Variants in SLC30A7 observed in about 807,000 individuals in gnomAD.
The protein encoded by SLC30A7 is solute carrier family 30 member 7.
SLC30A7 carries 35 observed loss-of-function variants against 46.0 expected under a neutral mutation model. The ratio of observed to expected loss-of-function variants is 0.76; its 90% CI spans 0.58 to 1.01. The LOEUF (loss-of-function observed/expected upper bound fraction) is 1.01, where lower values mean the gene tolerates loss of function less well. SLC30A7 is among the 50% of genes least tolerant of loss of function. The pLI is 0.00. For synonymous variants in SLC30A7, 147 were observed against 157.8 expected (o/e 0.93, Z 0.51); for missense variants, 464 against 451.1 (o/e 1.03, Z -0.26).
chr1:100,907,098 G>T, intron 3 of SLC30A7, 133 bp downstream of exon 3: 2 of 577,496 alleles, frequency 3.5e-6, no homozygotes. Context: ...CCCCACTCAG[G>T]CCTCTTCGAG....
chr1:100,978,495 G>A lies in SLC30A7; in HGVS notation c.*3638G>A, dbSNP rs912257518. The A allele has an allele frequency of 1.3e-5, 2 of 152,146 alleles. No homozygotes were observed. The highest frequency in any genetic ancestry group is 4.8e-5 in the African/African-American group (2 of 41,430). 9.4% of individuals were successfully genotyped at this position (152,146 alleles called of 1,614,324 possible). On this transcript the variant is annotated 3_prime_UTR_variant, in exon 11 of 11. Transcript: ENST00000357650. Reference sequence around the variant, plus strand: ...AAGGACTGGCTTTAGAAGCAGTGTAGTTCTACCTCTCATTTTACAGATGAG... The same window carrying A: ...AAGGACTGGCTTTAGAAGCAGTGTAATTCTACCTCTCATTTTACAGATGAG...
At chr1:100,906,228 G>A (rs534909500) in intron 2 of SLC30A7, among the ~76,000 whole-genome samples, 1 of 152,286 alleles carries the variant, frequency 6.6e-6, no homozygotes, top group Admixed American at 6.5e-5. Flanking sequence ...CTTTTAGCAA[G>A]TTCTGCACAT....
intron 8 of SLC30A7, among the ~76,000 whole-genome samples, chr1:100,946,219 A>T (rs1227618235): frequency 6.6e-6 from 1 of 152,224 alleles, no homozygotes; most frequent in Non-Finnish European, 1.5e-5. Flanking sequence ...ATATACATTC[A>T]TGTCATCTGC....
At position 100,913,708 on chromosome 1, in the gene SLC30A7, C is replaced by T. The variant is rs758196456; in HGVS notation, c.557C>T (p.Ala186Val). ...CTCTTTAATGGTGCTCTAGATCAGG[C>T]ACATGGCCATGTCGATCATTGCCAT... Reference protein sequence around the residue: ...HSLFNGALDQAHGHVDHCHSH... With the variant: ...HSLFNGALDQVHGHVDHCHSH... The change falls in exon 6 of 11, where the codon GCA becomes GTA. Residue 186 changes from alanine to valine, a missense_variant. Coordinates refer to ENST00000357650, the MANE Select transcript of SLC30A7 (RefSeq NM_133496.5). 1 of 1,613,928 alleles carries T rather than the reference C, an allele frequency of 6.2e-7. No individual in the cohort carries two copies. Among genetic ancestry groups the T allele is most frequent in the Non-Finnish European group, 8.5e-7 (1 of 1,179,846 alleles).
chr1:100,991,513 T>TG, the SLC30A7 span, among the ~76,000 whole-genome samples: 2 of 152,128 alleles, frequency 1.3e-5, no homozygotes, highest in African/African-American at 4.8e-5. Flanking sequence ...CTTGACTGGG[T>TG]GCGGTGACTC....
intron 10 of SLC30A7, among the ~76,000 whole-genome samples, chr1:100,973,190 G>A (rs2101102198): frequency 1.3e-5 from 2 of 152,068 alleles, no homozygotes; most frequent in Middle Eastern, 6.8e-3. Flanking sequence ...ACTCAGTATT[G>A]TACAGAGCCC....
At chr1:100,950,066 G>C (rs1464406274) in intron 8 of SLC30A7, among the ~76,000 whole-genome samples, 2 of 152,184 alleles carry the variant, frequency 1.3e-5, no homozygotes, top group African/African-American at 4.8e-5. Flanking sequence ...ACTTCAGTTG[G>C]AAATGCAGGA....
rs1394026045 is a variant in SLC30A7, at chr1:100,979,688, C to T, written c.*4831C>T. 1.3e-5 allele frequency: 2 copies of T among 152,098 alleles called. No homozygotes were observed. The highest frequency in any genetic ancestry group is 2.9e-5 in the Non-Finnish European group (2 of 67,978). The allele number at this position is 152,098 out of a possible 1,614,324, so 9.4% of individuals were successfully genotyped here. A position where few individuals can be genotyped will look rare whatever the true frequency, so the allele number is the denominator to read the frequency against. On this transcript the variant is annotated 3_prime_UTR_variant, in exon 11 of 11. Transcript: ENST00000357650. ...TTGCATGATTTTATGATTGACGGAG[C>T]ATTTTCAAATCTCCTCTAATTCTCA...
intron 8 of SLC30A7, among the ~76,000 whole-genome samples, chr1:100,929,226 C>T (rs541087625): frequency 6.6e-6 from 1 of 152,022 alleles, no homozygotes; most frequent in South Asian, 2.1e-4. Context: ...ACATCTCTTG[C>T]CTAATTTCTC....
intron 6 of SLC30A7, among the ~76,000 whole-genome samples, chr1:100,914,084 G>T (rs1024317427): frequency 3.3e-5 from 5 of 152,014 alleles, no homozygotes; most frequent in African/African-American, 7.3e-5. Flanking sequence ...TGGGTACATA[G>T]TAGGTGTATA....
In SLC30A7 at chr1:100,971,907, A is replaced by G. The variant is rs182530687; in HGVS notation, c.1084-2903A>G. Among the ~76,000 whole-genome samples, 601 of 152,258 alleles carry G rather than the reference A, an allele frequency of 3.9e-3. 2 individuals carry two copies. The highest frequency in any genetic ancestry group is 0.01 in the Admixed American group (153 of 15,270). ...CCGATTTGTTATCCTTTCTACAACAATAAATATGTATTGAAGATATTCTAA... is the reference window on the plus strand; with the variant it reads ...CCGATTTGTTATCCTTTCTACAACAGTAAATATGTATTGAAGATATTCTAA... On this transcript the variant is annotated intron_variant, in intron 10 of 10. Transcript: ENST00000357650.
chr1:100,951,211 G>A (rs1020900143), intron 8 of SLC30A7, among the ~76,000 whole-genome samples: 4 of 152,112 alleles, frequency 2.6e-5, no homozygotes, highest in Admixed American at 2.0e-4. Flanking sequence ...AAAGGGGTGC[G>A]AAGCAGGGGA....
intron 8 of SLC30A7, among the ~76,000 whole-genome samples, chr1:100,949,629 G>A (rs1390049145): frequency 6.6e-6 from 1 of 152,214 alleles, no homozygotes; most frequent in African/African-American, 2.4e-5. Context: ...GGTGGAGTCT[G>A]TAGAGACAGT....
intron 2 of SLC30A7, among the ~76,000 whole-genome samples, chr1:100,905,923 C>T (rs1557974529): frequency 6.6e-6 from 1 of 152,118 alleles, no homozygotes; most frequent in African/African-American, 2.4e-5. Context: ...ATGAGTCTCT[C>T]TTTTTTTCTT....
At chr1:100,970,821 CT>C (rs1167882340) in intron 10 of SLC30A7, among the ~76,000 whole-genome samples, 3 of 151,248 alleles carry the variant, frequency 2.0e-5, no homozygotes, top group African/African-American at 7.3e-5. Flanking sequence ...TTTAATATAC[CT>C]TTTTTGTTAG....
rs1286309675 is a variant in SLC30A7 at position 100,978,331 on chromosome 1, A to C, written c.*3474A>C. On this transcript the variant is annotated 3_prime_UTR_variant, in exon 11 of 11. Transcript: ENST00000357650. ...ATGAACTCAAAATGTATTTGATCAC[A>C]GTTCTATAATGTTTTTACCTACCTA... 1 of 152,220 alleles carries C rather than the reference A, an allele frequency of 6.6e-6. No individual in the cohort carries two copies. Among genetic ancestry groups the C allele is most frequent in the Non-Finnish European group, 1.5e-5 (1 of 68,036 alleles). 9.4% of individuals were successfully genotyped at this position (152,220 alleles called of 1,614,324 possible). A position where few individuals can be genotyped will look rare whatever the true frequency, so the allele number is the denominator to read the frequency against.
At chr1:100,996,068 T>C in the SLC30A7 span, 7 of 152,344 alleles carry the variant, frequency 4.6e-5, no homozygotes, top group African/African-American at 1.7e-4. Flanking sequence ...TATTTTTAAA[T>C]GTTCTTGGAA....
intron 10 of SLC30A7, among the ~76,000 whole-genome samples, chr1:100,969,320 G>C (rs968183655): frequency 3.9e-5 from 6 of 152,108 alleles, no homozygotes; most frequent in African/African-American, 1.4e-4. Context: ...GACATTTCCA[G>C]ATTATTTTTC....
chr1:100,947,241 A>G (rs769246385), intron 8 of SLC30A7, among the ~76,000 whole-genome samples: 12 of 152,148 alleles, frequency 7.9e-5, no homozygotes, highest in African/African-American at 1.9e-4. Context: ...TGTCCCAGAG[A>G]TTCTGGTACA....
Sources: gnomAD v4.1 joint callset for allele counts (sites outside exome capture counted in the v4.1 genomes callset) on GRCh38, gnomAD v4.1.1 for gene constraint, MANE v1.5 for transcripts, NCBI Gene and HGNC (gene_info 2026-07-23, HGNC 2026-07-21) for gene names.